The following TCF7L2 variants were observed in gnomAD, a reference collection of about 807,000 sequenced individuals.
TCF7L2 encodes the protein transcription factor 7 like 2, also known as transcription factor 7-like 2.
In TCF7L2, 23 loss-of-function variants were observed where a neutral mutation model predicts 77.9. The observed-to-expected ratio is 0.30, with a 90% CI of 0.21 to 0.42. The LOEUF (loss-of-function observed/expected upper bound fraction) is 0.42. TCF7L2 is among the 10% of genes least tolerant of loss of function. TCF7L2 has a pLI of 1.00. For missense variants in TCF7L2, 654 were observed against 793.1 expected (o/e 0.82, Z 2.11); for synonymous variants, 413 against 340.2 (o/e 1.21, Z -2.36).
intron 4 of TCF7L2, among the ~76,000 whole-genome samples, chr10:113,005,203 C>T (rs143653941): frequency 4.6e-5 from 7 of 152,290 alleles, no homozygotes; most frequent in Non-Finnish European, 8.8e-5. Flanking sequence ...TCTACCACGC[C>T]GCCTGATCAT....
At chr10:112,966,184 T>TTTTATATATA (rs1554876896) in intron 4 of TCF7L2, among the ~76,000 whole-genome samples, 1 of 114,278 alleles carries the variant, frequency 8.8e-6, no homozygotes, top group African/African-American at 4.8e-5. Flanking sequence ...TAAAATATAT[T>TTTTATATATA]TATATATATA....
intron 5 of TCF7L2, chr10:113,133,404 A>T (rs1055996352): frequency 2.6e-5 from 4 of 151,304 alleles, no homozygotes; most frequent in African/African-American, 9.8e-5. Flanking sequence ...CTCACCCCCC[A>T]GCCCTTCCAT....
At chr10:112,963,222 T>A (rs1168425905) in intron 3 of TCF7L2, among the ~76,000 whole-genome samples, 3 of 144,510 alleles carry the variant, frequency 2.1e-5, no homozygotes, top group African/African-American at 5.8e-5. Context: ...ATTTAGACTA[T>A]TTTTTTTATG....
At chr10:113,097,324 A>C (rs2061106737) in intron 5 of TCF7L2, among the ~76,000 whole-genome samples, 1 of 152,196 alleles carries the variant, frequency 6.6e-6, no homozygotes, top group African/African-American at 2.4e-5. Flanking sequence ...ACTCTCTCTC[A>C]GGACAAATTT....
chr10:113,133,466 T>C, intron 5 of TCF7L2, among the ~76,000 whole-genome samples: 1 of 152,166 alleles, frequency 6.6e-6, no homozygotes, highest in East Asian at 1.9e-4. Flanking sequence ...AGCTTGGTCC[T>C]CTAGACCCTT....
At chr10:113,095,891 C>T (rs2060907489) in intron 5 of TCF7L2, among the ~76,000 whole-genome samples, 1 of 152,206 alleles carries the variant, frequency 6.6e-6, no homozygotes, top group African/African-American at 2.4e-5. Flanking sequence ...ACGTTAGTGG[C>T]TACCTCCCTT....
At chr10:112,966,184 T>TTATATATATTTTTATATA (rs1477073663) in intron 4 of TCF7L2, among the ~76,000 whole-genome samples, 2 of 114,280 alleles carry the variant, frequency 1.8e-5, no homozygotes, top group Non-Finnish European at 3.3e-5. Context: ...TAAAATATAT[T>TTATATATATTTTTATATA]TATATATATA....
chr10:113,064,153 C>T (rs1268648536), intron 5 of TCF7L2, among the ~76,000 whole-genome samples: 1 of 152,152 alleles, frequency 6.6e-6, no homozygotes, highest in Non-Finnish European at 1.5e-5. Context: ...ATGTAACAGG[C>T]TTCCAATCAG....
intron 11 of TCF7L2, among the ~76,000 whole-genome samples, chr10:113,153,294 C>T (rs930833031): frequency 6.6e-6 from 1 of 152,214 alleles, no homozygotes; most frequent in African/African-American, 2.4e-5. Context: ...TTTCCTCTCT[C>T]GAGGGATGAA....
intron 4 of TCF7L2, among the ~76,000 whole-genome samples, chr10:113,006,338 G>A (rs2045547863): frequency 6.6e-6 from 1 of 152,326 alleles, no homozygotes; most frequent in East Asian, 1.9e-4. Context: ...GTAAGAACAA[G>A]CACAGCCCGA....
chr10:112,975,627 G>A (rs1483608015), intron 4 of TCF7L2, among the ~76,000 whole-genome samples: 4 of 152,038 alleles, frequency 2.6e-5, no homozygotes, highest in Admixed American at 6.6e-5. Flanking sequence ...GATTATAGGC[G>A]TGCACCACCA....
chr10:112,962,170 T>C (rs2035431566), intron 3 of TCF7L2, among the ~76,000 whole-genome samples: 1 of 152,168 alleles, frequency 6.6e-6, no homozygotes, highest in Non-Finnish European at 1.5e-5. Flanking sequence ...AACATATCCT[T>C]AGTTATCAGG....
At chr10:112,956,805 G>A (rs185522174) in intron 3 of TCF7L2, among the ~76,000 whole-genome samples, 6 of 152,188 alleles carry the variant, frequency 3.9e-5, no homozygotes, top group African/African-American at 9.6e-5. Flanking sequence ...GATATTTGAC[G>A]CCACGTTGGC....
intron 5 of TCF7L2, among the ~76,000 whole-genome samples, chr10:113,130,752 A>AATTATTATT (rs147371098): frequency 9.4e-5 from 14 of 148,912 alleles, no homozygotes; most frequent in Non-Finnish European, 1.3e-4. Flanking sequence ...CTTTTTAAAA[A>AATTATTATT]ATTATTATTA....
rs1003976600 is a variant in TCF7L2 at position 113,040,161 on chromosome 10, T to C, written c.552+35T>C. The C allele has an allele frequency of 2.5e-6, 4 of 1,580,454 alleles. No homozygotes were observed. The African/African-American group carries it at 5.4e-5, about 21-fold the overall frequency. ...CTCCCAGAGATGATGGCTTCCTTTA[T>C]TGAGGGGGTGAAAAAGAAAATGCTT... On this transcript the variant is annotated intron_variant, in intron 5 of 13. Coordinates refer to ENST00000627217, the MANE Select transcript of TCF7L2 (RefSeq NM_001146274.2).
intron 5 of TCF7L2, among the ~76,000 whole-genome samples, chr10:113,063,893 CGTGTGTGTGT>C (rs34087825): frequency 7.7e-4 from 113 of 147,160 alleles, no homozygotes; most frequent in African/African-American, 2.6e-3. Flanking sequence ...ATGGATGTGG[CGTGTGTGTGT>C]GTGTGTGTGT....
At chr10:112,965,193 C>T (rs1051590727) in intron 4 of TCF7L2, among the ~76,000 whole-genome samples, 2 of 152,190 alleles carry the variant, frequency 1.3e-5, no homozygotes, top group Non-Finnish European at 2.9e-5. Context: ...CTATGTATGA[C>T]ACTAAATGTG....
At chr10:113,158,147 G>T (rs182939796) in intron 12 of TCF7L2, 78 bp downstream of exon 12, 1 of 1,484,428 alleles carries the variant, frequency 6.7e-7, no homozygotes, top group Admixed American at 2.0e-5. Flanking sequence ...CCATCTGGGG[G>T]AGGCAGGAGA....
intron 4 of TCF7L2, among the ~76,000 whole-genome samples, chr10:113,033,238 T>C (rs138732563): frequency 0.017 from 2,565 of 150,684 alleles, 25 homozygotes; most frequent in Middle Eastern, 0.048. Flanking sequence ...TCTCTCTCTC[T>C]CTCGTTTCCT....
Sources: gnomAD v4.1 joint callset for allele counts (sites outside exome capture counted in the v4.1 genomes callset) on GRCh38, gnomAD v4.1.1 for gene constraint, MANE v1.5 for transcripts, NCBI Gene and HGNC (gene_info 2026-07-23, HGNC 2026-07-21) for gene names.